FAT3: variants seen among roughly 807,000 people sequenced by gnomAD.
FAT3 encodes FAT atypical cadherin 3, also known as protocadherin Fat 3.
A neutral mutation model predicts 310.2 loss-of-function variants in FAT3; 95 were observed. That is an observed-to-expected ratio of 0.31 (90% CI 0.26 to 0.36). The LOEUF (loss-of-function observed/expected upper bound fraction) is 0.36. FAT3 is among the 10% of genes least tolerant of loss of function. The probability of loss-of-function intolerance (pLI) is 1.00; values close to 1 mark genes in which losing one functional copy is unlikely to be tolerated. For synonymous variants in FAT3, 2,314 were observed against 2,192.9 expected, an observed-to-expected ratio of 1.06 and a Z score of -1.54; for missense variants, 5,408 against 5,715.6, an observed-to-expected ratio of 0.95 and a Z score of 1.74.
At chr11:92,359,294 T>G (rs1948815708) in intron 2 of FAT3, among the ~76,000 whole-genome samples, 1 of 152,180 alleles carries the variant, frequency 6.6e-6, no homozygotes, top group Admixed American at 6.5e-5. Flanking sequence ...ATAAATTTCT[T>G]TTCTAGTCAA....
At chr11:92,724,365 A>G (rs1344091052) in intron 4 of FAT3, among the ~76,000 whole-genome samples, 1 of 152,186 alleles carries the variant, frequency 6.6e-6, no homozygotes, top group Non-Finnish European at 1.5e-5. Flanking sequence ...GACTTGCACC[A>G]TGTCACTTAG....
chr11:92,628,039 G>A (rs1441071307), intron 3 of FAT3, among the ~76,000 whole-genome samples: 1 of 152,092 alleles, frequency 6.6e-6, no homozygotes, highest in Non-Finnish European at 1.5e-5. Context: ...TGACACACAG[G>A]TCAGTATAGT....
rs2136442085 is a variant in FAT3, at chr11:92,890,496, C to A, written c.13153C>A (p.His4385Asn). 6.2e-7 allele frequency: 1 copy of A among 1,608,952 alleles called. No homozygotes were observed. The highest frequency in any genetic ancestry group is 1.1e-5 in the South Asian group (1 of 90,666). The change falls in exon 28 of 28, where the codon CAC becomes AAC. Residue 4385 changes from histidine to asparagine, a missense_variant. Transcript: ENST00000525166. ...DQGQNYNRAYHWDTSDWMPGA... is the reference protein window; with the variant it reads ...DQGQNYNRAYNWDTSDWMPGA... ...TCATGGTTTTTCTCTTGCAGCCTAT[C>A]ACTGGGACACCTCTGATTGGATGCC...
At position 92,799,585 on chromosome 11, in the gene FAT3, A is replaced by G; in HGVS notation, c.6572A>G (p.Tyr2191Cys). 2 of 1,613,792 alleles carry G rather than the reference A, an allele frequency of 1.2e-6. No homozygotes were observed. The highest frequency in any genetic ancestry group is 1.7e-6 in the Non-Finnish European group (2 of 1,179,836). ...KAMPVFDKPFYTASVNEDIRM... is the reference protein window; with the variant it reads ...KAMPVFDKPFCTASVNEDIRM... ...ATGCCTGTGTTTGATAAGCCCTTTT[A>G]TACAGCATCTGTCAATGAAGACATC... Residue 2191 changes from tyrosine to cysteine, a missense_variant, in exon 10 of 28, where the codon TAT (tyrosine) becomes TGT (cysteine). Around this residue, in one of 5 missense-constraint regions of FAT3, gnomAD observed 4,588 missense variants for 4,809.8 expected, o/e 0.95. Transcript: ENST00000525166.
intron 1 of FAT3, among the ~76,000 whole-genome samples, chr11:92,313,599 G>T (rs548297837): frequency 6.6e-6 from 1 of 152,052 alleles, no homozygotes; most frequent in Non-Finnish European, 1.5e-5. Context: ...TCACCCTGTC[G>T]CCCAGGCTAG....
At chr11:92,494,426 A>G (rs1402637225) in intron 2 of FAT3, among the ~76,000 whole-genome samples, 1 of 152,032 alleles carries the variant, frequency 6.6e-6, no homozygotes, top group Non-Finnish European at 1.5e-5. Flanking sequence ...ATATGAGTGA[A>G]TTTCATGTTG....
At chr11:92,275,039 C>T (rs1026158159) in intron 1 of FAT3, among the ~76,000 whole-genome samples, 1 of 152,080 alleles carries the variant, frequency 6.6e-6, no homozygotes, top group Non-Finnish European at 1.5e-5. Context: ...GTATTTAGCG[C>T]AACATGCAAA....
chr11:92,428,026 C>T (rs1028954590), intron 2 of FAT3, among the ~76,000 whole-genome samples: 3 of 151,800 alleles, frequency 2.0e-5, no homozygotes, highest in Non-Finnish European at 4.4e-5. Context: ...GGCTGGTAGG[C>T]TATTAGTTAC....
At chr11:92,481,743 T>C (rs1047189323) in intron 2 of FAT3, among the ~76,000 whole-genome samples, 7 of 152,232 alleles carry the variant, frequency 4.6e-5, no homozygotes, top group African/African-American at 1.2e-4. Flanking sequence ...AGTTGCTGTC[T>C]AGAAATTAGA....
At chr11:92,516,078 A>G (rs534392491) in intron 2 of FAT3, among the ~76,000 whole-genome samples, 12 of 152,306 alleles carry the variant, frequency 7.9e-5, no homozygotes, top group Non-Finnish European at 1.3e-4. Flanking sequence ...AGCTGGTACC[A>G]TTCCTTCTGA....
chr11:92,889,918 C>G (rs1324475980), intron 27 of FAT3, 27 bp downstream of exon 27: 1 of 717,888 alleles, frequency 1.4e-6, no homozygotes, highest in African/African-American at 1.7e-5. Context: ...CCTAGCATAA[C>G]TTTTTGTGTG....
At position 92,564,409 on chromosome 11, in the gene FAT3, GAGACTT is replaced by G. The variant is rs1004925566; in HGVS notation, c.3607+39467_3607+39472del. ...AAGCAAGTCCTGAGTGACCTACAAAGAGACTTAGACTCCCACACATTAATAATGGGA... is the reference window on the plus strand; with the variant it reads ...AAGCAAGTCCTGAGTGACCTACAAAGAGACTCCCACACATTAATAATGGGA... On this transcript the variant is annotated intron_variant, in intron 3 of 27. Transcript: ENST00000525166. Among the ~76,000 whole-genome samples, 53 of 150,110 alleles carry G rather than the reference GAGACTT, an allele frequency of 3.5e-4. No individual in the cohort carries two copies. The East Asian group carries it at 9.4e-3, about 27-fold the overall frequency.
At chr11:92,498,311 AT>A (rs1406657904) in intron 2 of FAT3, 1 of 238,418 alleles carries the variant, frequency 4.2e-6, no homozygotes, top group Non-Finnish European at 8.7e-6. Flanking sequence ...TAACAAAAAC[AT>A]CATGAAGAGG....
At chr11:92,786,476 TG>T (rs1946896536) in intron 7 of FAT3, among the ~76,000 whole-genome samples, 1 of 152,012 alleles carries the variant, frequency 6.6e-6, no homozygotes, top group Non-Finnish European at 1.5e-5. Context: ...GAAATGCAAA[TG>T]GATCTTAAAT....
Position 92,273,344 on chromosome 11 carries a change from C to G in FAT3, c.-18+48170C>G, listed in dbSNP as rs138167607. Among the ~76,000 whole-genome samples the G allele has an allele frequency of 9.9e-3, 1,513 of 152,158 alleles. 8 individuals are homozygous for G. The highest frequency in any genetic ancestry group is 0.017 in the Middle Eastern group (5 of 294). ...CCTATTAAGTCCTTCTGCCTCATCT[C>G]CCTCCTCCCTCCTATCCCTGCCCCT... On this transcript the variant is annotated intron_variant, in intron 1 of 27. Transcript: ENST00000525166.
chr11:92,674,584 G>T (rs928888231), intron 3 of FAT3, among the ~76,000 whole-genome samples: 12 of 151,776 alleles, frequency 7.9e-5, no homozygotes, highest in African/African-American at 2.9e-4. Context: ...GTGCAGTGGC[G>T]TGACCAGAGC....
chr11:92,367,090 G>A (rs964334818), intron 2 of FAT3: 8 of 455,002 alleles, frequency 1.8e-5, no homozygotes, highest in Non-Finnish European at 3.1e-5. Flanking sequence ...GGTGAAGCAG[G>A]TGTCAAATTC....
chr11:92,700,383 T>C (rs1204122565), intron 4 of FAT3, among the ~76,000 whole-genome samples: 2 of 151,906 alleles, frequency 1.3e-5, no homozygotes, highest in African/African-American at 4.8e-5. Flanking sequence ...TAAGCAGGGG[T>C]GACATGATGT....
intron 4 of FAT3, among the ~76,000 whole-genome samples, chr11:92,754,337 G>C (rs1184546148): frequency 2.0e-5 from 3 of 151,778 alleles, no homozygotes; most frequent in Non-Finnish European, 4.4e-5. Context: ...TTAAAAAGAA[G>C]GAAATCGGCC....
Sources: allele counts gnomAD v4.1 joint callset (sites outside exome capture counted in the v4.1 genomes callset), GRCh38; gene constraint gnomAD v4.1.1; regional missense constraint gnomAD v4.1.1; transcripts MANE v1.5; gene names NCBI Gene and HGNC (gene_info 2026-07-23, HGNC 2026-07-21).